MARCHF3: variants seen among roughly 807,000 people sequenced by gnomAD.
MARCHF3 encodes membrane associated ring-CH-type finger 3, also known as E3 ubiquitin-protein ligase MARCHF3.
Under a neutral mutation model 24.2 loss-of-function variants are expected in MARCHF3, and 13 were observed. That is an observed-to-expected ratio of 0.54 (90% CI 0.35 to 0.85). The LOEUF is 0.85. MARCHF3 is among the 40% of genes least tolerant of loss of function. MARCHF3 has a pLI of 0.01. For missense variants in MARCHF3, 276 were observed against 325.0 expected (o/e 0.85, Z 1.16); for synonymous variants, 144 against 137.3 (o/e 1.05, Z -0.34).
rs147375634 is a variant in MARCHF3 at position 127,028,459 on chromosome 5, A to T, written c.-57+1891T>A. On this transcript the variant is annotated intron_variant, in intron 1 of 4. Transcript: ENST00000308660. ...TAGTGATTAGACTGACTATGAATATATGTCCAGGTTATAAATTCCTAAAAG... is the reference window on the plus strand; with the variant it reads ...TAGTGATTAGACTGACTATGAATATTTGTCCAGGTTATAAATTCCTAAAAG... Among the ~76,000 whole-genome samples, 203 of 152,278 alleles carry T rather than the reference A, an allele frequency of 1.3e-3. 2 individuals carry two copies. Among genetic ancestry groups the T allele is most frequent in the African/African-American group, 4.7e-3 (194 of 41,574 alleles).
chr5:126,950,104 C>A (rs748698336), intron 1 of MARCHF3, among the ~76,000 whole-genome samples: 1 of 152,146 alleles, frequency 6.6e-6, no homozygotes, highest in Non-Finnish European at 1.5e-5. Flanking sequence ...CCCTTGATGT[C>A]CTCCTGACCC....
chr5:126,870,941 C>T lies in MARCHF3; in HGVS notation c.604-150G>A, dbSNP rs541194159. ...GAACCCTGGGAAAATGGCTCTGGCA[C>T]GCAGTGAGTGTTGAGAGATTGGGCA... On this transcript the variant is annotated intron_variant, in intron 4 of 4. Coordinates refer to ENST00000308660, the MANE Select transcript of MARCHF3 (RefSeq NM_178450.5). 143 of 1,096,530 alleles carry T rather than the reference C, an allele frequency of 1.3e-4. No individual in the cohort carries two copies. In the African/African-American group the frequency reaches 1.5e-3, roughly 12 times the overall value. 67.9% of individuals were successfully genotyped at this position (1,096,530 alleles called of 1,614,324 possible).
intron 3 of MARCHF3, among the ~76,000 whole-genome samples, chr5:126,911,331 CA>C (rs1413797646): frequency 6.6e-6 from 1 of 152,148 alleles, no homozygotes. Context: ...TTTTACGGCT[CA>C]GGGGGCATCA....
At chr5:126,982,895 T>TTGTCACCCAC (rs778903123) in intron 1 of MARCHF3, among the ~76,000 whole-genome samples, 3 of 152,204 alleles carry the variant, frequency 2.0e-5, no homozygotes, top group Non-Finnish European at 4.4e-5. Flanking sequence ...TCCCACAAGG[T>TTGTCACCCAC]CCAGGTTAGG....
chr5:126,871,037 A>G (rs897838714), intron 4 of MARCHF3, among the ~76,000 whole-genome samples: 1 of 152,154 alleles, frequency 6.6e-6, no homozygotes, highest in Admixed American at 6.5e-5. Context: ...GTTCCTCCTC[A>G]TACCGGGTAA....
intron 1 of MARCHF3, among the ~76,000 whole-genome samples, chr5:126,923,215 C>T (rs761329837): frequency 6.6e-6 from 1 of 152,224 alleles, no homozygotes; most frequent in African/African-American, 2.4e-5. Flanking sequence ...GTTGGAGATA[C>T]GTGGGTCTAT....
rs528427716 is a variant in MARCHF3 at position 126,896,080 on chromosome 5, C to T, written c.394-17686G>A. 4.2e-3 allele frequency among the ~76,000 whole-genome samples: 634 copies of T among 152,274 alleles called. 3 individuals are homozygous for T. Among genetic ancestry groups the T allele is most frequent in the Non-Finnish European group, 4.7e-3 (323 of 68,020 alleles). On this transcript the variant is annotated intron_variant, in intron 3 of 4. Transcript: ENST00000308660. ...GGGAGTGACCCGATTTTCCAGGTGC[C>T]GTCCGTCACCCCTTTCTTTGACTCA...
At chr5:126,880,442 T>C (rs947286100) in intron 3 of MARCHF3, among the ~76,000 whole-genome samples, 3 of 152,212 alleles carry the variant, frequency 2.0e-5, no homozygotes, top group African/African-American at 7.2e-5. Flanking sequence ...AATCCTGCCA[T>C]GTGTTGTCAT....
chr5:126,970,929 A>G (rs1750989656), intron 1 of MARCHF3, among the ~76,000 whole-genome samples: 1 of 152,188 alleles, frequency 6.6e-6, no homozygotes, highest in East Asian at 1.9e-4. Context: ...AGCAGAGGAG[A>G]GTTCAGTCTT....
chr5:127,007,667 AAG>A (rs1248747738), intron 1 of MARCHF3, among the ~76,000 whole-genome samples: 3 of 152,162 alleles, frequency 2.0e-5, no homozygotes, highest in African/African-American at 7.2e-5. Context: ...TTGGCTAACA[AAG>A]AGCTTATTTT....
intron 1 of MARCHF3, among the ~76,000 whole-genome samples, chr5:126,962,733 T>C (rs996081167): frequency 1.3e-5 from 2 of 151,924 alleles, no homozygotes; most frequent in African/African-American, 4.8e-5. Context: ...ATTATGTATA[T>C]GCAAATATCC....
At chr5:126,969,932 G>A (rs77662337) in intron 1 of MARCHF3, among the ~76,000 whole-genome samples, 3,401 of 152,266 alleles carry the variant, frequency 0.022, 109 homozygotes, top group African/African-American at 0.078. Flanking sequence ...AAGCAAACAT[G>A]AAGCTAGGTG....
chr5:126,916,473 T>C (rs760870442), intron 2 of MARCHF3, among the ~76,000 whole-genome samples: 1 of 151,910 alleles, frequency 6.6e-6, no homozygotes, highest in African/African-American at 2.4e-5. Flanking sequence ...TGGGAATGAG[T>C]GAAGGCCAAA....
rs968578169 is a variant in MARCHF3, at chr5:127,019,991, C to T, written c.-57+10359G>A. On this transcript the variant is annotated intron_variant, in intron 1 of 4. Transcript: ENST00000308660. ...GATGAGACAGCTTTTTAATTTACAA[C>T]ACTGGCATAGTCACCCAGAAAAGCC... Among the ~76,000 whole-genome samples the T allele has an allele frequency of 3.9e-5, 6 of 152,284 alleles. 1 individual carries two copies. The South Asian group carries it at 1.2e-3, about 32-fold the overall frequency.
At chr5:126,877,769 G>C (rs896528037) in intron 4 of MARCHF3, among the ~76,000 whole-genome samples, 2 of 152,158 alleles carry the variant, frequency 1.3e-5, no homozygotes, top group Non-Finnish European at 2.9e-5. Context: ...GAGGATTCAC[G>C]ATCTGTGCAG....
At chr5:126,958,889 C>A (rs1046971774) in intron 1 of MARCHF3, among the ~76,000 whole-genome samples, 1 of 152,102 alleles carries the variant, frequency 6.6e-6, no homozygotes, top group African/African-American at 2.4e-5. Flanking sequence ...GTGGAACAAT[C>A]TAAGTAACGA....
chr5:126,910,795 A>C (rs1234859660), intron 3 of MARCHF3, among the ~76,000 whole-genome samples: 1 of 152,250 alleles, frequency 6.6e-6, no homozygotes, highest in African/African-American at 2.4e-5. Context: ...AGCAATGTTC[A>C]GGAAACAAGA....
At chr5:127,011,918 G>A (rs779350781) in intron 1 of MARCHF3, among the ~76,000 whole-genome samples, 7 of 152,186 alleles carry the variant, frequency 4.6e-5, no homozygotes, top group Non-Finnish European at 8.8e-5. Flanking sequence ...GGGAGAGTGA[G>A]TTATCTAGAA....
intron 1 of MARCHF3, among the ~76,000 whole-genome samples, chr5:126,947,654 T>C (rs1398561579): frequency 4.6e-5 from 7 of 152,132 alleles, no homozygotes; most frequent in Non-Finnish European, 1.0e-4. Context: ...AGAGGGGAAG[T>C]CTGTTTACCT....
Sources: allele counts gnomAD v4.1 joint callset (sites outside exome capture counted in the v4.1 genomes callset), GRCh38; gene constraint gnomAD v4.1.1; transcripts MANE v1.5; gene names NCBI Gene and HGNC (gene_info 2026-07-23, HGNC 2026-07-21).